CACNA2D3: variants seen among roughly 807,000 people sequenced by gnomAD.
CACNA2D3 encodes the protein calcium voltage-gated channel auxiliary subunit alpha2delta 3.
In CACNA2D3, 60 loss-of-function variants were observed where a neutral mutation model predicts 160.6. The observed-to-expected ratio is 0.37, with a 90% CI of 0.30 to 0.46. The LOEUF is 0.46. Among genes scored for constraint, CACNA2D3 ranks in the 20% least tolerant of loss-of-function variants. The pLI is 1.00. For missense variants in CACNA2D3, 1,205 were observed against 1,365.0 expected, an observed-to-expected ratio of 0.88 and a Z score of 1.85; for synonymous variants, 558 against 492.9, an observed-to-expected ratio of 1.13 and a Z score of -1.75.
chr3:55,026,668 T>C (rs987377040), intron 35 of CACNA2D3, among the ~76,000 whole-genome samples: 1 of 151,998 alleles, frequency 6.6e-6, no homozygotes, highest in Non-Finnish European at 1.5e-5. Flanking sequence ...GGTCAACACA[T>C]TGTTAGAAGT....
rs376273944 is a variant in CACNA2D3 at position 54,642,139 on chromosome 3, G to A, written c.1065G>A (p.Thr355=). The part of the protein sequence containing the change: ...AFNILSDFNH[T]GQGSICSQAI... Reference sequence around the variant, plus strand: ...ATTTCTTTCCCTAGTTCAACCACACGGGACAAGGAAGTATCTGCAGTCAGG... The same window carrying A: ...ATTTCTTTCCCTAGTTCAACCACACAGGACAAGGAAGTATCTGCAGTCAGG... Residue 355 remains threonine (T), a synonymous_variant, in exon 11 of 38, where the codon ACG becomes ACA. Coordinates refer to ENST00000474759, the MANE Select transcript of CACNA2D3 (RefSeq NM_018398.3). 22 of 1,609,302 alleles carry A rather than the reference G, an allele frequency of 1.4e-5. No homozygotes were observed. The highest frequency in any genetic ancestry group is 1.7e-5 in the Non-Finnish European group (20 of 1,177,234).
chr3:54,504,628 T>C (rs1354405495), intron 5 of CACNA2D3, among the ~76,000 whole-genome samples: 2 of 152,206 alleles, frequency 1.3e-5, no homozygotes, highest in Non-Finnish European at 1.5e-5. Context: ...CAGAAAGTCA[T>C]GGAATCTTCA....
intron 4 of CACNA2D3, among the ~76,000 whole-genome samples, chr3:54,467,226 G>A (rs912131718): frequency 6.6e-6 from 1 of 152,142 alleles, no homozygotes; most frequent in East Asian, 1.9e-4. Context: ...CTAACCAACT[G>A]GGACTGGTAA....
intron 10 of CACNA2D3, among the ~76,000 whole-genome samples, chr3:54,636,867 C>T (rs954314661): frequency 2.6e-5 from 4 of 152,018 alleles, no homozygotes; most frequent in African/African-American, 9.7e-5. Flanking sequence ...TGTGGCAGTA[C>T]AGCCCAGGTA....
intron 2 of CACNA2D3, among the ~76,000 whole-genome samples, chr3:54,310,837 A>T (rs1237709656): frequency 6.6e-6 from 1 of 151,994 alleles, no homozygotes; most frequent in Non-Finnish European, 1.5e-5. Context: ...TGATCATCTC[A>T]AGAGCAGTAT....
At chr3:54,288,160 A>G (rs1703082120) in intron 2 of CACNA2D3, among the ~76,000 whole-genome samples, 1 of 152,114 alleles carries the variant, frequency 6.6e-6, no homozygotes, top group Non-Finnish European at 1.5e-5. Context: ...GATCAACAAA[A>G]TTGATAGACC....
In CACNA2D3 at chr3:54,732,647, A is replaced by G. The variant is rs376679841; in HGVS notation, c.1168-19952A>G. 3.9e-5 allele frequency among the ~76,000 whole-genome samples: 6 copies of G among 152,272 alleles called. No homozygotes were observed. The East Asian group carries it at 9.6e-4, about 24-fold the overall frequency. The stretch of plus-strand genomic sequence containing the variant: ...TTTCCCCTGTGCCTTGTTGTTCTTT[A>G]TTGATTTCCCAGTACTTTCTCATTC... On this transcript the variant is annotated intron_variant, in intron 11 of 37. Transcript: ENST00000474759.
chr3:54,290,987 A>G (rs1454250724), intron 2 of CACNA2D3, among the ~76,000 whole-genome samples: 6 of 152,166 alleles, frequency 3.9e-5, no homozygotes, highest in Admixed American at 1.3e-4. Context: ...CAGCACACCA[A>G]CATGGCACAT....
intron 11 of CACNA2D3, 101 bp downstream of exon 11, chr3:54,642,342 CATA>C (rs1699540588): frequency 1.7e-5 from 10 of 576,554 alleles, no homozygotes; most frequent in Middle Eastern, 2.7e-4. Flanking sequence ...GACTTAATCT[CATA>C]ATGATCTGTG....
chr3:54,738,656 T>A (rs924019683), intron 11 of CACNA2D3, among the ~76,000 whole-genome samples: 7 of 152,220 alleles, frequency 4.6e-5, no homozygotes, highest in Non-Finnish European at 1.0e-4. Context: ...CAGAGCACCC[T>A]TTGCCATCAT....
At chr3:54,928,734 T>G (rs1701101295) in intron 27 of CACNA2D3, among the ~76,000 whole-genome samples, 1 of 151,940 alleles carries the variant, frequency 6.6e-6, no homozygotes, top group African/African-American at 2.4e-5. Context: ...CGAGTTGAAT[T>G]GACCTTTTGG....
intron 13 of CACNA2D3, among the ~76,000 whole-genome samples, chr3:54,770,965 AC>A (rs1351289642): frequency 6.6e-6 from 1 of 152,196 alleles, no homozygotes; most frequent in Non-Finnish European, 1.5e-5. Flanking sequence ...GAGAAAAAAA[AC>A]ATCTTCCTTG....
intron 13 of CACNA2D3, among the ~76,000 whole-genome samples, chr3:54,776,831 A>G (rs1194442814): frequency 6.6e-6 from 1 of 151,928 alleles, no homozygotes; most frequent in Non-Finnish European, 1.5e-5. Flanking sequence ...TCCTCCATAG[A>G]CTATCCCTGC....
chr3:54,822,202 G>A (rs1037961555), intron 14 of CACNA2D3, among the ~76,000 whole-genome samples: 1 of 152,180 alleles, frequency 6.6e-6, no homozygotes, highest in Admixed American at 6.5e-5. Context: ...GGGGTGTTAA[G>A]ATTGATATAC....
chr3:55,014,707 G>A (rs1342207451), intron 34 of CACNA2D3, among the ~76,000 whole-genome samples: 2 of 152,168 alleles, frequency 1.3e-5, no homozygotes, highest in African/African-American at 2.4e-5. Context: ...ACTCCAGACT[G>A]GGTGACAGAG....
intron 11 of CACNA2D3, among the ~76,000 whole-genome samples, chr3:54,651,886 G>C (rs1011862883): frequency 6.6e-6 from 1 of 152,166 alleles, no homozygotes; most frequent in African/African-American, 2.4e-5. Context: ...CTGATTCAGG[G>C]ATTATTCTTT....
Position 54,343,878 on chromosome 3 carries a change from T to G in CACNA2D3, c.321+23320T>G, listed in dbSNP as rs2107527590. Among the ~76,000 whole-genome samples, 2 of 152,328 alleles carry G rather than the reference T, an allele frequency of 1.3e-5. 1 individual carries two copies. Among genetic ancestry groups the G allele is most frequent in the South Asian group, 4.1e-4 (2 of 4,826 alleles). ...CTCTTTTAAAATGCCTATTTTTGTT[T>G]AAGTTTAGAGTATACATGGTAGAGC... On this transcript the variant is annotated intron_variant, in intron 3 of 37. Transcript: ENST00000474759.
At chr3:54,833,957 G>C (rs751930877) in intron 14 of CACNA2D3, among the ~76,000 whole-genome samples, 7 of 152,148 alleles carry the variant, frequency 4.6e-5, no homozygotes, top group African/African-American at 1.7e-4. Flanking sequence ...GTGAACTGTT[G>C]CCAGACTGAA....
chr3:54,950,049 T>C (rs1701717999), intron 27 of CACNA2D3, among the ~76,000 whole-genome samples: 1 of 152,192 alleles, frequency 6.6e-6, no homozygotes, highest in African/African-American at 2.4e-5. Context: ...CAATTTGCTG[T>C]GCATTTCAGG....
Sources: allele counts gnomAD v4.1 joint callset (sites outside exome capture counted in the v4.1 genomes callset), GRCh38; gene constraint gnomAD v4.1.1; transcripts MANE v1.5; gene names NCBI Gene and HGNC (gene_info 2026-07-23, HGNC 2026-07-21).